Variants in GLP2R observed in about 807,000 individuals in gnomAD.
GLP2R encodes glucagon like peptide 2 receptor, also known as glucagon-like peptide 2 receptor.
A neutral mutation model predicts 68.2 loss-of-function variants in GLP2R; 59 were observed. The ratio of observed to expected loss-of-function variants is 0.87; its 90% CI spans 0.70 to 1.07. The LOEUF is 1.07. GLP2R is among the 50% of genes least tolerant of loss of function. The pLI, the probability that GLP2R is intolerant of heterozygous loss-of-function variation, is 0.00. For synonymous variants in GLP2R, 270 were observed against 265.4 expected (o/e 1.02, Z -0.17); for missense variants, 548 against 677.4 (o/e 0.81, Z 2.12).
At chr17:9,871,187 G>A (rs1207879274) in intron 10 of GLP2R, among the ~76,000 whole-genome samples, 3 of 152,096 alleles carry the variant, frequency 2.0e-5, no homozygotes, top group Admixed American at 2.0e-4. Context: ...GGACAACATG[G>A]TGAAACCCCG....
intron 4 of GLP2R, among the ~76,000 whole-genome samples, chr17:9,844,541 G>C (rs2066818539): frequency 6.6e-6 from 1 of 151,910 alleles, no homozygotes; most frequent in South Asian, 2.1e-4. Context: ...TGAGAGGGTA[G>C]AGCCAAGGAC....
chr17:9,862,785 A>G (rs3786121), intron 9 of GLP2R, among the ~76,000 whole-genome samples: 23,402 of 152,114 alleles, frequency 0.15, 2,494 homozygotes, highest in East Asian at 0.49. Flanking sequence ...ACACCACCAT[A>G]ATCTTCGCGT....
chr17:9,880,679 G>A (rs998958360), intron 11 of GLP2R, among the ~76,000 whole-genome samples, 163 bp downstream of exon 11: 4 of 152,210 alleles, frequency 2.6e-5, no homozygotes, highest in African/African-American at 7.2e-5. Flanking sequence ...TGCAGACGGG[G>A]AAGTATTGCG....
rs2067279627 is a variant in GLP2R, at chr17:9,890,194, G to A, written c.*489G>A. 2.6e-6 allele frequency: 1 copy of A among 380,282 alleles called. No individual in the cohort carries two copies. The highest frequency in any genetic ancestry group is 3.3e-5 in the Admixed American group (1 of 30,418). The allele number at this position is 380,282 out of a possible 1,614,324, so 23.6% of individuals were successfully genotyped here. A position where few individuals can be genotyped will look rare whatever the true frequency, so the allele number is the denominator to read the frequency against. ...GGGACCATGGCCAGGAATTGGAGCT[G>A]TTTAATAAGCATCCCAGGTAATTCT... On this transcript the variant is annotated 3_prime_UTR_variant, in exon 13 of 13. Transcript: ENST00000262441.
At chr17:9,870,647 T>A (rs550636888) in intron 9 of GLP2R, 100 bp from the exon 10 acceptor site, 2 of 724,414 alleles carry the variant, frequency 2.8e-6, no homozygotes, top group South Asian at 3.2e-5. Flanking sequence ...CTGGTTTACA[T>A]TGAACTGATG....
intron 9 of GLP2R, 73 bp from the exon 10 acceptor site, chr17:9,870,674 C>A: frequency 1.3e-6 from 1 of 780,494 alleles, no homozygotes; most frequent in Non-Finnish European, 2.3e-6. Context: ...ATGGCCGAGC[C>A]CAGCCTGACC....
At position 9,836,402 on chromosome 17, in the gene GLP2R, C is replaced by A. The variant is rs145472633; in HGVS notation, c.309C>A (p.Tyr103Ter). Residue 103 changes from tyrosine to a stop codon, truncating the protein, a stop_gained, in exon 3 of 13, where the codon TAC becomes TAA. Coordinates refer to ENST00000262441, the MANE Select transcript of GLP2R (RefSeq NM_004246.3). LOFTEE classifies it high-confidence loss of function. ...GIFCNGTFDQ[Y>*]VCWPHSSPGN... ...TTTGTAACGGGACATTTGATCAGTACGTGTGTTGGCCTCATTCTTCTCCTG... is the reference window on the plus strand; with the variant it reads ...TTTGTAACGGGACATTTGATCAGTAAGTGTGTTGGCCTCATTCTTCTCCTG... The A allele has an allele frequency of 6.2e-7, 1 of 1,610,848 alleles. No homozygotes were observed. The highest frequency in any genetic ancestry group is 1.1e-5 in the South Asian group (1 of 91,022).
intron 5 of GLP2R, among the ~76,000 whole-genome samples, chr17:9,855,488 A>G (rs959245550): frequency 1.3e-5 from 2 of 152,194 alleles, no homozygotes; most frequent in African/African-American, 4.8e-5. Context: ...CAACTCAATC[A>G]GAGGCATTCT....
At chr17:9,864,183 G>A (rs534597357) in intron 9 of GLP2R, among the ~76,000 whole-genome samples, 101 of 152,318 alleles carry the variant, frequency 6.6e-4, no homozygotes, top group African/African-American at 2.3e-3. Context: ...GAGTTGAAAA[G>A]CATGTTGCTA....
At chr17:9,846,636 C>T (rs1452168459) in intron 4 of GLP2R, among the ~76,000 whole-genome samples, 1 of 151,892 alleles carries the variant, frequency 6.6e-6, no homozygotes, top group East Asian at 1.9e-4. Context: ...AACGAACAAA[C>T]AAAAAACAGT....
intron 3 of GLP2R, among the ~76,000 whole-genome samples, chr17:9,838,759 G>GAA (rs139853307): frequency 0.027 from 4,088 of 152,346 alleles, 158 homozygotes; most frequent in African/African-American, 0.091. Context: ...TCCCTGCAGT[G>GAA]AAGAGAATGT....
At chr17:9,860,928 G>A (rs532551375) in intron 7 of GLP2R, among the ~76,000 whole-genome samples, 27 of 152,222 alleles carry the variant, frequency 1.8e-4, no homozygotes, top group African/African-American at 5.8e-4. Flanking sequence ...GTATCCAGTC[G>A]CTTTCCCCCT....
chr17:9,884,727 C>T (rs2067226906), intron 11 of GLP2R, among the ~76,000 whole-genome samples: 1 of 152,080 alleles, frequency 6.6e-6, no homozygotes, highest in South Asian at 2.1e-4. Context: ...TGGCTTTGAA[C>T]CAAGACAGAG....
intron 3 of GLP2R, among the ~76,000 whole-genome samples, chr17:9,838,483 C>T (rs1457024880): frequency 6.6e-6 from 1 of 152,178 alleles, no homozygotes; most frequent in Non-Finnish European, 1.5e-5. Context: ...GAGCCGATCC[C>T]TACTTCTCTG....
intron 4 of GLP2R, among the ~76,000 whole-genome samples, chr17:9,850,645 G>A (rs1026384679): frequency 6.6e-6 from 1 of 150,750 alleles, no homozygotes; most frequent in African/African-American, 2.4e-5. Flanking sequence ...GATAACCCAT[G>A]CTTTATTTGT....
intron 12 of GLP2R, among the ~76,000 whole-genome samples, chr17:9,888,272 A>G (rs2067261216): frequency 6.6e-6 from 1 of 152,156 alleles, no homozygotes; most frequent in African/African-American, 2.4e-5. Context: ...GAGTCCAAAA[A>G]TCTGAATTCA....
At chr17:9,829,256 G>C (rs560925906) in intron 1 of GLP2R, among the ~76,000 whole-genome samples, 1 of 152,098 alleles carries the variant, frequency 6.6e-6, no homozygotes, top group Admixed American at 6.5e-5. Context: ...GGATTTTTGA[G>C]AAGTACATTG....
chr17:9,887,748 A>C (rs1295788520), intron 11 of GLP2R, among the ~76,000 whole-genome samples, 184 bp from the exon 12 acceptor site: 1 of 152,222 alleles, frequency 6.6e-6, no homozygotes, highest in Non-Finnish European at 1.5e-5. Context: ...AAGTAAGAAC[A>C]GATGCCATGG....
At chr17:9,872,532 G>A (rs1096905) in intron 10 of GLP2R, among the ~76,000 whole-genome samples, 2 of 152,340 alleles carry the variant, frequency 1.3e-5, no homozygotes, top group East Asian at 1.9e-4. Context: ...AGCCGAGATC[G>A]TGCCATTGTA....
Sources: allele counts gnomAD v4.1 joint callset (sites outside exome capture counted in the v4.1 genomes callset), GRCh38; gene constraint gnomAD v4.1.1; transcripts MANE v1.5; gene names NCBI Gene and HGNC (gene_info 2026-07-23, HGNC 2026-07-21).